POF1B: variants seen among roughly 807,000 people sequenced by gnomAD.
The protein encoded by POF1B is POF1B actin binding protein.
Under a neutral mutation model 55.3 loss-of-function variants are expected in POF1B, and 53 were observed. The observed-to-expected ratio is 0.96, with a 90% CI of 0.77 to 1.20. The LOEUF (loss-of-function observed/expected upper bound fraction) is 1.20. Ranked by LOEUF, POF1B falls within the 50% of genes most tolerant of loss-of-function variation. The probability of loss-of-function intolerance (pLI) is 0.00; values close to 1 mark genes in which losing one functional copy is unlikely to be tolerated. For missense variants in POF1B, 478 were observed against 420.5 expected (o/e 1.14, Z -1.20); for synonymous variants, 188 against 148.3 (o/e 1.27, Z -1.95).
chrX:85,354,415 C>T (rs753112219), intron 4 of POF1B, among the ~76,000 whole-genome samples: 1 of 110,459 alleles, frequency 9.1e-6, no homozygotes, highest in South Asian at 3.8e-4. Context: ...GAACCTTCAT[C>T]TTAGGAATGT....
chrX:85,296,336 T>G (rs1932309484), intron 15 of POF1B, among the ~76,000 whole-genome samples: 1 of 112,378 alleles, frequency 8.9e-6, no homozygotes, highest in African/African-American at 3.2e-5. Flanking sequence ...TCATAGTGTC[T>G]GTGGGATATG....
At chrX:85,342,181 A>G (rs1256769186) in intron 6 of POF1B, among the ~76,000 whole-genome samples, 1 of 111,750 alleles carries the variant, frequency 8.9e-6, no homozygotes, top group Non-Finnish European at 1.9e-5. Context: ...AATATTTTGA[A>G]TTTGAAATCA....
intron 6 of POF1B, among the ~76,000 whole-genome samples, chrX:85,333,914 G>A (rs760164532): frequency 1.4e-4 from 14 of 102,390 alleles, no homozygotes; most frequent in Non-Finnish European, 2.4e-4. Flanking sequence ...GACCAAACTA[G>A]CCCTTTTGGA....
At chrX:85,310,239 G>C (rs1241470353) in intron 9 of POF1B, among the ~76,000 whole-genome samples, 1 of 112,178 alleles carries the variant, frequency 8.9e-6, no homozygotes, top group East Asian at 2.8e-4. Flanking sequence ...CAAGATAATA[G>C]AAATGTTAGA....
intron 15 of POF1B, among the ~76,000 whole-genome samples, chrX:85,302,687 G>A (rs141308709): frequency 0.014 from 1,561 of 111,514 alleles, 25 homozygotes; most frequent in African/African-American, 0.048. Context: ...ATGTCCAACT[G>A]ATTAATCAAT....
At chrX:85,353,277 A>T (rs1933425091) in intron 4 of POF1B, among the ~76,000 whole-genome samples, 1 of 111,320 alleles carries the variant, frequency 9.0e-6, no homozygotes, top group Admixed American at 9.6e-5. Flanking sequence ...TATGGGACAT[A>T]CTTAGCAGAT....
chrX:85,315,768 G>A, intron 7 of POF1B, 34 bp from the exon 8 acceptor site: 1 of 1,120,423 alleles, frequency 8.9e-7, no homozygotes, highest in South Asian at 2.2e-5. Flanking sequence ...CACAACTTTA[G>A]GAAAAGGTAT....
At chrX:85,314,686 A>G (rs1388774921) in intron 8 of POF1B, among the ~76,000 whole-genome samples, 180 bp from the exon 9 acceptor site, 1 of 111,982 alleles carries the variant, frequency 8.9e-6, no homozygotes, top group Non-Finnish European at 1.9e-5. Flanking sequence ...AAAAAAATCA[A>G]TTATATTACA....
At chrX:85,315,390 T>C (rs1480974515) in intron 8 of POF1B, among the ~76,000 whole-genome samples, 1 of 111,128 alleles carries the variant, frequency 9.0e-6, no homozygotes, top group Non-Finnish European at 1.9e-5. Flanking sequence ...ACATCTCTTG[T>C]ACCCCATAAA....
chrX:85,299,433 C>T (rs746374121), intron 15 of POF1B, among the ~76,000 whole-genome samples: 28 of 101,485 alleles, frequency 2.8e-4, no homozygotes, highest in East Asian at 6.3e-4. Context: ...GGACTACAGG[C>T]GCCCGCTACC....
At chrX:85,336,552 T>C (rs1389412510) in intron 6 of POF1B, among the ~76,000 whole-genome samples, 1 of 111,531 alleles carries the variant, frequency 9.0e-6, no homozygotes, top group Non-Finnish European at 1.9e-5. Context: ...ATTTCTCTGA[T>C]GATCAATGAT....
chrX:85,343,486 C>T, intron 6 of POF1B, among the ~76,000 whole-genome samples: 1 of 110,935 alleles, frequency 9.0e-6, no homozygotes, highest in Non-Finnish European at 1.9e-5. Context: ...TCCCTTCTAC[C>T]ATTTCTATTG....
At chrX:85,328,943 G>C (rs1932934137) in intron 7 of POF1B, among the ~76,000 whole-genome samples, 1 of 110,428 alleles carries the variant, frequency 9.1e-6, no homozygotes, top group East Asian at 2.9e-4. Flanking sequence ...ATATACTTCT[G>C]AATTTTACAA....
chrX:85,306,126 G>T (rs746932126), intron 12 of POF1B, 55 bp downstream of exon 12: 1 of 1,070,860 alleles, frequency 9.3e-7, no homozygotes, highest in Non-Finnish European at 1.3e-6. Context: ...TAAATGCTAG[G>T]ATTACAATGA....
intron 7 of POF1B, among the ~76,000 whole-genome samples, chrX:85,321,808 C>G (rs1330044841): frequency 9.4e-6 from 1 of 106,044 alleles, no homozygotes; most frequent in Non-Finnish European, 1.9e-5. Flanking sequence ...AACAGACAAA[C>G]AGAGAGCCAA....
At chrX:85,367,548 G>A (rs1224393974) in intron 3 of POF1B, 144 bp downstream of exon 3, 2 of 427,639 alleles carry the variant, frequency 4.7e-6, no homozygotes, top group African/African-American at 2.6e-5. Flanking sequence ...ACTCATATGT[G>A]AGAATCCTCT....
chrX:85,305,257 AGATT>A (rs763895239), intron 13 of POF1B, among the ~76,000 whole-genome samples: 2 of 111,572 alleles, frequency 1.8e-5, no homozygotes, highest in South Asian at 7.4e-4. Context: ...AATAAGGGTT[AGATT>A]AAGTAAATTC....
chrX:85,363,007 C>G (rs1272317319), intron 3 of POF1B, among the ~76,000 whole-genome samples: 3 of 111,022 alleles, frequency 2.7e-5, no homozygotes, highest in African/African-American at 9.8e-5. Context: ...TCACCCATCT[C>G]TACTAGGTTT....
At chrX:85,335,263 T>C (rs1283667795) in intron 6 of POF1B, among the ~76,000 whole-genome samples, 1 of 111,710 alleles carries the variant, frequency 9.0e-6, no homozygotes, top group Non-Finnish European at 1.9e-5. Context: ...AACTGGGTAG[T>C]AAGTTTTGAA....
Sources: allele counts gnomAD v4.1 joint callset (sites outside exome capture counted in the v4.1 genomes callset), GRCh38; gene constraint gnomAD v4.1.1; transcripts MANE v1.5; gene names NCBI Gene and HGNC (gene_info 2026-07-23, HGNC 2026-07-21).